Variants in CCDC3 observed in about 807,000 individuals in gnomAD.
CCDC3 encodes coiled-coil domain containing 3, also known as coiled-coil domain-containing protein 3.
Under a neutral mutation model 21.4 loss-of-function variants are expected in CCDC3, and 24 were observed. That is an observed-to-expected ratio of 1.12 (90% CI 0.81 to 1.58). The LOEUF is 1.58. Among genes scored for constraint, CCDC3 ranks in the 40% most tolerant of loss-of-function variants. The pLI is 0.00. For synonymous variants in CCDC3, 186 were observed against 166.0 expected, an observed-to-expected ratio of 1.12 and a Z score of -0.93; for missense variants, 425 against 360.9, an observed-to-expected ratio of 1.18 and a Z score of -1.44.
At chr10:12,937,807 C>T (rs191687340) in intron 2 of CCDC3, among the ~76,000 whole-genome samples, 192 of 152,322 alleles carry the variant, frequency 1.3e-3, no homozygotes, top group Non-Finnish European at 2.0e-3. Flanking sequence ...GAGGCCACTA[C>T]GGTCCCCTTA....
chr10:13,096,286 C>A (rs1588424368), intron 3 of CCDC3, among the ~76,000 whole-genome samples: 1 of 151,998 alleles, frequency 6.6e-6, no homozygotes, highest in East Asian at 1.9e-4. Context: ...CAGGCTCAAG[C>A]AATTCTCCTG....
intron 2 of CCDC3, among the ~76,000 whole-genome samples, chr10:12,974,555 T>G (rs1835388310): frequency 6.6e-6 from 1 of 152,222 alleles, no homozygotes; most frequent in African/African-American, 2.4e-5. Flanking sequence ...CCTTTCAGCC[T>G]TCTGAAGGCA....
In CCDC3 at chr10:13,058,296, C is replaced by T. The variant is rs116284003; in HGVS notation, c.-269-8355G>A. 1.7e-3 allele frequency: 2,321 copies of T among 1,367,214 alleles called. 40 individuals are homozygous for T. In the African/African-American group the frequency reaches 0.029, roughly 17 times the overall value. The allele number at this position is 1,367,214 out of a possible 1,614,324, so 84.7% of individuals were successfully genotyped here. ...TCAATGCTTTCCACATCGTATTCAT[C>T]GCCAGTCACCTTCACTTGGCCTTCA... On this transcript the variant is annotated intron_variant, in intron 4 of 6. Coordinates refer to the CCDC3 transcript ENST00000378839.
intron 3 of CCDC3, among the ~76,000 whole-genome samples, chr10:13,084,655 C>T (rs547307273): frequency 1.3e-5 from 2 of 152,154 alleles, no homozygotes; most frequent in South Asian, 2.1e-4. Flanking sequence ...CTTTCTTGCA[C>T]GAGATCCAAT....
At position 13,015,361 on chromosome 10, in the gene CCDC3, C is replaced by T. The variant is rs368547716; in HGVS notation, c.-1-16849G>A. ...CCGAAAGGGCTAGATCATTGCTCTC[C>T]GGGAGCTGATATCTAATGAGACCAG... On this transcript the variant is annotated intron_variant, in intron 5 of 6. Transcript: ENST00000378839. 1.2e-4 allele frequency among the ~76,000 whole-genome samples: 18 copies of T among 152,136 alleles called. No homozygotes were observed. In the East Asian group the frequency reaches 2.9e-3, roughly 24 times the overall value.
At chr10:13,001,119 G>C (rs1835842482) in intron 1 of CCDC3, 78 bp downstream of exon 1, 2 of 1,479,370 alleles carry the variant, frequency 1.4e-6, no homozygotes, top group East Asian at 5.0e-5. Context: ...GGGAGTTACC[G>C]GCCTGGCTCT....
intron 2 of CCDC3, among the ~76,000 whole-genome samples, chr10:12,983,220 A>G (rs1443940804): frequency 6.7e-6 from 1 of 148,544 alleles, no homozygotes; most frequent in Non-Finnish European, 1.5e-5. Context: ...AAAAGAATCT[A>G]TAGCTATGAG....
intron 4 of CCDC3, chr10:13,058,441 A>G: frequency 2.6e-6 from 2 of 762,742 alleles, no homozygotes; most frequent in Non-Finnish European, 4.8e-6. Context: ...GTTCGTGTGC[A>G]TATGCTGCGC....
rs192008935 is a variant in CCDC3, at chr10:13,084,910, T to G, written c.-502-10810A>C. ...AATGCTAGAGCACCCCATTAGCAGGTGACGTTCCCCAACAGAAAATCACGC... is the reference window on the plus strand; with the variant it reads ...AATGCTAGAGCACCCCATTAGCAGGGGACGTTCCCCAACAGAAAATCACGC... On this transcript the variant is annotated intron_variant, in intron 3 of 6. Coordinates refer to the CCDC3 transcript ENST00000378839. Among the ~76,000 whole-genome samples the G allele has an allele frequency of 2.0e-5, 3 of 152,230 alleles. No individual in the cohort carries two copies. In the East Asian group the frequency reaches 5.8e-4, roughly 29 times the overall value.
Position 13,001,405 on chromosome 10 carries a change from G to C in CCDC3, c.166C>G (p.Pro56Ala), listed in dbSNP as rs1365420712. The change falls in exon 1 of 3, where the codon CCC becomes GCC. Residue 56 changes from proline to alanine, a missense_variant. Pro to Ala is a conservative substitution (Grantham distance 27). Transcript: ENST00000378825. Reference sequence around the variant, plus strand: ...CAGGGCAGGTGGTTGTAGAGGCCGGGCGCCTCGGGGTGCAGCGCCAGCACC... The same window carrying C: ...CAGGGCAGGTGGTTGTAGAGGCCGGCCGCCTCGGGGTGCAGCGCCAGCACC... The part of the protein sequence containing the change: ...ARVLALHPEA[P>A]GLYNHLPWQY... 1.0e-5 allele frequency: 16 copies of C among 1,564,688 alleles called. No homozygotes were observed. Among genetic ancestry groups the C allele is most frequent in the Non-Finnish European group, 1.4e-5 (16 of 1,155,630 alleles).
chr10:12,899,315 CATATT>C (rs1016975610), intron 2 of CCDC3, among the ~76,000 whole-genome samples: 19 of 152,276 alleles, frequency 1.2e-4, no homozygotes, highest in East Asian at 7.7e-4. Context: ...CTATTTTTCA[CATATT>C]AGATTGGCAA....
At chr10:13,046,531 C>G (rs1404097607) in intron 5 of CCDC3, among the ~76,000 whole-genome samples, 2 of 136,384 alleles carry the variant, frequency 1.5e-5, no homozygotes, top group Non-Finnish European at 3.1e-5. Context: ...GGTGAAACCC[C>G]ATCTCTACTA....
At chr10:12,913,354 G>T (rs56106509) in intron 2 of CCDC3, among the ~76,000 whole-genome samples, 1 of 152,002 alleles carries the variant, frequency 6.6e-6, no homozygotes, top group Non-Finnish European at 1.5e-5. Flanking sequence ...TTGTAAATAG[G>T]ATTGTTTTAT....
intron 3 of CCDC3, among the ~76,000 whole-genome samples, chr10:13,092,609 C>CTAAG (rs1289436240): frequency 6.6e-6 from 1 of 152,196 alleles, no homozygotes; most frequent in African/African-American, 2.4e-5. Flanking sequence ...CCCGTGTGAC[C>CTAAG]TAAGGCATCT....
intron 4 of CCDC3, among the ~76,000 whole-genome samples, chr10:13,061,460 T>G (rs948749110): frequency 2.0e-5 from 3 of 152,168 alleles, no homozygotes; most frequent in Non-Finnish European, 4.4e-5. Flanking sequence ...TCAAACTCTG[T>G]AGAATATCTG....
At chr10:12,938,878 T>A (rs1358406132) in intron 2 of CCDC3, among the ~76,000 whole-genome samples, 1 of 152,220 alleles carries the variant, frequency 6.6e-6, no homozygotes, top group Non-Finnish European at 1.5e-5. Flanking sequence ...GGTGAATGAA[T>A]CAAGGATCCA....
intron 3 of CCDC3, among the ~76,000 whole-genome samples, chr10:13,087,893 A>G (rs1176930655): frequency 2.0e-5 from 3 of 152,208 alleles, no homozygotes; most frequent in East Asian, 1.9e-4. Context: ...GGATGTGCTC[A>G]CATTAGGAAG....
At chr10:12,932,229 A>T (rs7084523) in intron 2 of CCDC3, among the ~76,000 whole-genome samples, 14,791 of 152,222 alleles carry the variant, frequency 0.097, 760 homozygotes, top group African/African-American at 0.13. Context: ...TGTTCCTTGT[A>T]AGTAATGTTT....
intron 2 of CCDC3, among the ~76,000 whole-genome samples, chr10:12,980,567 T>C (rs1378955543): frequency 6.6e-6 from 1 of 152,028 alleles, no homozygotes; most frequent in Non-Finnish European, 1.5e-5. Context: ...AAGGCTTAGG[T>C]AAGCAAAGAT....
Sources: allele counts gnomAD v4.1 joint callset (sites outside exome capture counted in the v4.1 genomes callset), GRCh38; gene constraint gnomAD v4.1.1; transcripts MANE v1.5; gene names NCBI Gene and HGNC (gene_info 2026-07-23, HGNC 2026-07-21).